SGCZ: variants seen among roughly 807,000 people sequenced by gnomAD.
SGCZ encodes zeta-sarcoglycan.
SGCZ carries 40 observed loss-of-function variants against 41.3 expected under a neutral mutation model. The observed-to-expected ratio is 0.97, with a 90% CI of 0.75 to 1.26. The LOEUF (loss-of-function observed/expected upper bound fraction) is 1.26, where lower values mean the gene tolerates loss of function less well. Ranked by LOEUF, SGCZ falls within the 50% of genes most tolerant of loss-of-function variation. SGCZ has a pLI of 0.00. For synonymous variants in SGCZ, 206 were observed against 137.5 expected (o/e 1.50, Z -3.49); for missense variants, 552 against 369.8 (o/e 1.49, Z -4.04).
chr8:14,574,382 A>G (rs1393529754), intron 1 of SGCZ, among the ~76,000 whole-genome samples: 1 of 152,024 alleles, frequency 6.6e-6, no homozygotes, highest in Non-Finnish European at 1.5e-5. Context: ...CCCTAAAGCC[A>G]GCCATAAAGC....
chr8:14,175,937 C>T (rs1206451100), intron 4 of SGCZ, among the ~76,000 whole-genome samples: 2 of 152,014 alleles, frequency 1.3e-5, no homozygotes, highest in African/African-American at 2.4e-5. Flanking sequence ...CCTGTAGTTA[C>T]AAAGCATTAA....
chr8:14,201,968 AC>A (rs1805469231), intron 4 of SGCZ, among the ~76,000 whole-genome samples: 1 of 152,218 alleles, frequency 6.6e-6, no homozygotes, highest in African/African-American at 2.4e-5. Flanking sequence ...ATTTTAATGA[AC>A]CAAACCATAA....
At chr8:14,122,521 A>G (rs1371370826) in intron 5 of SGCZ, among the ~76,000 whole-genome samples, 2 of 152,212 alleles carry the variant, frequency 1.3e-5, no homozygotes, top group African/African-American at 2.4e-5. Flanking sequence ...ATGTTCATCA[A>G]TAGGGAATTA....
intron 1 of SGCZ, among the ~76,000 whole-genome samples, chr8:14,814,906 T>C (rs1387778305): frequency 6.6e-6 from 1 of 152,206 alleles, no homozygotes; most frequent in African/African-American, 2.4e-5. Flanking sequence ...ATATAGTTGC[T>C]ATTTCATCCT....
rs538069789 is a variant in SGCZ at position 14,371,994 on chromosome 8, A to C, written c.235-47790T>G. 2.0e-5 allele frequency among the ~76,000 whole-genome samples: 3 copies of C among 152,272 alleles called. 1 individual carries two copies. The South Asian group carries it at 6.2e-4, about 32-fold the overall frequency. On this transcript the variant is annotated intron_variant, in intron 2 of 7. Transcript: ENST00000382080. ...AGAAGAAAACAAAAGCTAAATTTAT[A>C]GAGTAATCTTTATATGCCATGAAGA...
At chr8:14,449,912 A>G (rs1242733465) in intron 2 of SGCZ, among the ~76,000 whole-genome samples, 1 of 152,202 alleles carries the variant, frequency 6.6e-6, no homozygotes, top group South Asian at 2.1e-4. Flanking sequence ...AGAGTGAACA[A>G]CATCATGTAC....
At chr8:15,218,557 C>G (rs1482767808) in intron 1 of SGCZ, among the ~76,000 whole-genome samples, 4 of 152,200 alleles carry the variant, frequency 2.6e-5, no homozygotes, top group Non-Finnish European at 5.9e-5. Flanking sequence ...AAGACCAACA[C>G]TCTAGTCTCA....
chr8:14,734,427 G>C (rs188052319), intron 1 of SGCZ, among the ~76,000 whole-genome samples: 1 of 152,130 alleles, frequency 6.6e-6, no homozygotes, highest in African/African-American at 2.4e-5. Flanking sequence ...ACAAATTCAC[G>C]CATTTGCCCC....
intron 1 of SGCZ, among the ~76,000 whole-genome samples, chr8:15,023,771 A>T (rs551989189): frequency 2.2e-4 from 33 of 152,346 alleles, no homozygotes; most frequent in African/African-American, 7.9e-4. Flanking sequence ...TAGACAAAAA[A>T]GGTTATGTGA....
intron 4 of SGCZ, among the ~76,000 whole-genome samples, chr8:14,213,614 AAAC>A (rs1446156995): frequency 1.3e-5 from 2 of 152,072 alleles, no homozygotes; most frequent in African/African-American, 2.4e-5. Flanking sequence ...AAGGAAAATA[AAAC>A]AACAAAAAAC....
At chr8:14,712,669 T>C (rs1809559808) in intron 1 of SGCZ, among the ~76,000 whole-genome samples, 2 of 152,230 alleles carry the variant, frequency 1.3e-5, no homozygotes, top group South Asian at 2.1e-4. Flanking sequence ...ATGGGGGCCT[T>C]TGAGACAGTG....
intron 2 of SGCZ, among the ~76,000 whole-genome samples, chr8:14,356,685 T>C (rs1288686755): frequency 6.6e-6 from 1 of 152,004 alleles, no homozygotes; most frequent in African/African-American, 2.4e-5. Context: ...ATTTTGAACA[T>C]TTGATAGAAT....
At chr8:15,212,072 A>C (rs1191283317) in intron 1 of SGCZ, among the ~76,000 whole-genome samples, 5 of 152,144 alleles carry the variant, frequency 3.3e-5, no homozygotes. Flanking sequence ...GAAAAGATGC[A>C]AAAATCTTTA....
At position 15,237,840 on chromosome 8, in the gene SGCZ, A is replaced by C. The variant is rs1802191260; in HGVS notation, c.-217T>G. 1.1e-5 allele frequency: 6 copies of C among 532,826 alleles called. No individual in the cohort carries two copies. Among genetic ancestry groups the C allele is most frequent in the Admixed American group, 3.0e-5 (1 of 33,300 alleles). The allele number at this position is 532,826 out of a possible 1,614,324, so 33.0% of individuals were successfully genotyped here. A position where few individuals can be genotyped will look rare whatever the true frequency, so the allele number is the denominator to read the frequency against. On this transcript the variant is annotated 5_prime_UTR_variant, in exon 1 of 8. Coordinates refer to ENST00000382080, the MANE Select transcript of SGCZ (RefSeq NM_139167.4). Reference sequence around the variant, plus strand: ...TTCACTTTATTTTACTTCCTCAAAGATTTAGTGACAGGTGATCTCTACCGC... The same window carrying C: ...TTCACTTTATTTTACTTCCTCAAAGCTTTAGTGACAGGTGATCTCTACCGC...
rs186335705 is a variant in SGCZ, at chr8:15,073,729, C to A, written c.39+163856G>T. Among the ~76,000 whole-genome samples, 22 of 152,264 alleles carry A rather than the reference C, an allele frequency of 1.4e-4. No homozygotes were observed. The East Asian group carries it at 4.1e-3, about 28-fold the overall frequency. ...TCCAGCCTTGCTAGCTTACCCTTGA[C>A]CCTGCTGTCCTAAAATGTGGACTAG... is the stretch of plus-strand genomic sequence containing the variant. On this transcript the variant is annotated intron_variant, in intron 1 of 7. Transcript: ENST00000382080.
At chr8:15,009,541 C>T (rs1463477815) in intron 1 of SGCZ, among the ~76,000 whole-genome samples, 1 of 152,128 alleles carries the variant, frequency 6.6e-6, no homozygotes, top group African/African-American at 2.4e-5. Flanking sequence ...AAAATGGCAT[C>T]CACTTAGATT....
intron 3 of SGCZ, among the ~76,000 whole-genome samples, chr8:14,254,822 G>C (rs149246468): frequency 6.6e-6 from 1 of 152,136 alleles, no homozygotes; most frequent in Non-Finnish European, 1.5e-5. Context: ...ATTTACTAAA[G>C]CTGTAGAAAG....
Position 14,858,619 on chromosome 8 carries a change from T to C in SGCZ, c.40-303693A>G, listed in dbSNP as rs1488268927. Among the ~76,000 whole-genome samples the C allele has an allele frequency of 2.6e-5, 4 of 152,184 alleles. No homozygotes were observed. The East Asian group carries it at 7.7e-4, about 29-fold the overall frequency. The stretch of plus-strand genomic sequence containing the variant: ...TTTTAAGATTAGTTGCAATGTGTAA[T>C]CTGAAACCTATAAACGAACCTTTCC... On this transcript the variant is annotated intron_variant, in intron 1 of 7. Transcript: ENST00000382080.
chr8:15,090,742 C>A (rs1806126535), intron 1 of SGCZ, among the ~76,000 whole-genome samples: 1 of 152,170 alleles, frequency 6.6e-6, no homozygotes, highest in South Asian at 2.1e-4. Flanking sequence ...GTCGATAAAA[C>A]ACCTAGTTTG....
Sources: gnomAD v4.1 joint callset for allele counts (sites outside exome capture counted in the v4.1 genomes callset) on GRCh38, gnomAD v4.1.1 for gene constraint, MANE v1.5 for transcripts, NCBI Gene and HGNC (gene_info 2026-07-23, HGNC 2026-07-21) for gene names.